SIPA1L1: variants seen among roughly 807,000 people sequenced by gnomAD.
SIPA1L1 encodes signal-induced proliferation-associated 1-like protein 1.
SIPA1L1 carries 26 observed loss-of-function variants against 162.7 expected under a neutral mutation model. The observed-to-expected ratio is 0.16, with a 90% confidence interval of 0.12 to 0.22. The LOEUF (loss-of-function observed/expected upper bound fraction) is 0.22, where lower values mean the gene tolerates loss of function less well. SIPA1L1 is among the 10% of genes least tolerant of loss of function. SIPA1L1 has a pLI of 1.00. For synonymous variants in SIPA1L1, 829 were observed against 837.4 expected (o/e 0.99, Z 0.17); for missense variants, 1,874 against 2,241.0 (o/e 0.84, Z 3.31).
intron 4 of SIPA1L1, among the ~76,000 whole-genome samples, chr14:71,531,478 T>C (rs1174950749): frequency 6.6e-6 from 1 of 152,168 alleles, no homozygotes; most frequent in Non-Finnish European, 1.5e-5. Context: ...TTATGTCCCT[T>C]GTGACCCAAT....
At chr14:71,467,396 A>G (rs1259108288) in intron 2 of SIPA1L1, 2 of 152,252 alleles carry the variant, frequency 1.3e-5, no homozygotes, top group Non-Finnish European at 2.9e-5. Flanking sequence ...TGATACTTAC[A>G]TTCTTATTGT....
chr14:71,487,101 T>C (rs1382699986), intron 2 of SIPA1L1, among the ~76,000 whole-genome samples: 1 of 152,190 alleles, frequency 6.6e-6, no homozygotes, highest in Non-Finnish European at 1.5e-5. Context: ...TTCTGCCTGG[T>C]AAGTTCTCTG....
At chr14:71,534,276 T>G (rs2145488808) in intron 4 of SIPA1L1, among the ~76,000 whole-genome samples, 1 of 152,272 alleles carries the variant, frequency 6.6e-6, no homozygotes, top group Admixed American at 6.5e-5. Flanking sequence ...TATAAATAAT[T>G]GGGTCATTAG....
At chr14:71,630,761 A>G (rs961978201) in intron 7 of SIPA1L1, among the ~76,000 whole-genome samples, 4 of 152,060 alleles carry the variant, frequency 2.6e-5, no homozygotes, top group African/African-American at 9.7e-5. Flanking sequence ...TATTAACTAC[A>G]AGGTGTAGTA....
intron 2 of SIPA1L1, among the ~76,000 whole-genome samples, chr14:71,482,685 T>A (rs1256588451): frequency 6.6e-6 from 1 of 152,188 alleles, no homozygotes; most frequent in Non-Finnish European, 1.5e-5. Flanking sequence ...GGCTCTGATG[T>A]ATTTAACCTC....
At chr14:71,602,028 G>C (rs749386312) in intron 5 of SIPA1L1, among the ~76,000 whole-genome samples, 6 of 150,500 alleles carry the variant, frequency 4.0e-5, no homozygotes, top group Non-Finnish European at 7.4e-5. Flanking sequence ...TTATTTTGTA[G>C]ATTTTTTTCT....
In SIPA1L1 at chr14:71,730,331, G is replaced by A. The variant is rs1047620436; in HGVS notation, c.4861+30G>A. The A allele has an allele frequency of 3.1e-6, 5 of 1,610,046 alleles. No individual in the cohort carries two copies. In the African/African-American group the frequency reaches 4.0e-5, roughly 13 times the overall value. On this transcript the variant is annotated intron_variant, in intron 20 of 23. Transcript: ENST00000381232. ...GTGGTCTTTCAGCTGCAGCCTGGAT[G>A]GCCCTGTTGATGATGGTCAGTGTCC...
At chr14:71,550,502 T>C (rs2055710467) in intron 4 of SIPA1L1, among the ~76,000 whole-genome samples, 6 of 152,078 alleles carry the variant, frequency 3.9e-5, no homozygotes, top group Non-Finnish European at 8.8e-5. Flanking sequence ...AACATGGAGT[T>C]CAAGTCTGAA....
chr14:71,642,263 G>C (rs1249511541), intron 7 of SIPA1L1, among the ~76,000 whole-genome samples: 2 of 152,158 alleles, frequency 1.3e-5, no homozygotes, highest in African/African-American at 4.8e-5. Flanking sequence ...CCAGGCTACA[G>C]TACAGGCAGG....
At chr14:71,657,345 C>CAA (rs561713864) in intron 8 of SIPA1L1, among the ~76,000 whole-genome samples, 3,457 of 87,772 alleles carry the variant, frequency 0.039, 169 homozygotes, top group East Asian at 0.24. Flanking sequence ...GAGACTGTCT[C>CAA]AAAAAAAAAA....
intron 4 of SIPA1L1, among the ~76,000 whole-genome samples, chr14:71,564,175 C>T (rs1037704742): frequency 6.6e-6 from 1 of 151,990 alleles, no homozygotes; most frequent in African/African-American, 2.4e-5. Context: ...TCTTGAACTC[C>T]TGGGCTCAAT....
At chr14:71,604,787 A>G (rs1168126660) in intron 5 of SIPA1L1, among the ~76,000 whole-genome samples, 1 of 151,946 alleles carries the variant, frequency 6.6e-6, no homozygotes, top group African/African-American at 2.4e-5. Flanking sequence ...GGGTCCCTTT[A>G]TAAGTGACTA....
At chr14:71,576,097 T>A (rs1258968714) in intron 4 of SIPA1L1, among the ~76,000 whole-genome samples, 1 of 152,222 alleles carries the variant, frequency 6.6e-6, no homozygotes, top group Non-Finnish European at 1.5e-5. Context: ...CTTAGGTGCT[T>A]TCAGGATAAG....
chr14:71,670,760 T>C (rs865853620), intron 10 of SIPA1L1, among the ~76,000 whole-genome samples: 26 of 152,214 alleles, frequency 1.7e-4, no homozygotes, highest in African/African-American at 6.0e-4. Flanking sequence ...GTAACCTCCC[T>C]TGAAAACAGT....
chr14:71,335,627 G>A (rs558080725), intron 2 of SIPA1L1, among the ~76,000 whole-genome samples: 2 of 152,284 alleles, frequency 1.3e-5, no homozygotes, highest in Non-Finnish European at 2.9e-5. Context: ...CAGGGAGGTA[G>A]GAACCATGTT....
intron 2 of SIPA1L1, among the ~76,000 whole-genome samples, chr14:71,404,662 G>A (rs2041918689): frequency 6.6e-6 from 1 of 152,160 alleles, no homozygotes; most frequent in Admixed American, 6.5e-5. Flanking sequence ...CTAACAGTAG[G>A]CATGTATTAA....
chr14:71,708,013 GTGTTTTTTTTTTTT>G (rs1208323772), intron 16 of SIPA1L1, among the ~76,000 whole-genome samples: 11 of 94,206 alleles, frequency 1.2e-4, no homozygotes, highest in Non-Finnish European at 2.2e-4. Flanking sequence ...TTGTTTTTTG[GTGTTTTTTTTTTTT>G]TGTTTTTTTT....
chr14:71,612,757 ATAATCAGGTGAT>A (rs1244741497), intron 5 of SIPA1L1, among the ~76,000 whole-genome samples: 2 of 152,220 alleles, frequency 1.3e-5, no homozygotes, highest in Non-Finnish European at 2.9e-5. Flanking sequence ...TATATATCTT[ATAATCAGGTGAT>A]TGGACTGTAC....
At chr14:71,552,622 T>C (rs1282338134) in intron 4 of SIPA1L1, among the ~76,000 whole-genome samples, 1 of 152,068 alleles carries the variant, frequency 6.6e-6, no homozygotes, top group Admixed American at 6.6e-5. Context: ...GGTCTCGATC[T>C]CCTGACCTTG....
Sources: allele counts gnomAD v4.1 joint callset (sites outside exome capture counted in the v4.1 genomes callset), GRCh38; gene constraint gnomAD v4.1.1; transcripts MANE v1.5; gene names NCBI Gene and HGNC (gene_info 2026-07-23, HGNC 2026-07-21).